The following ARL13B variants were observed in gnomAD, a reference collection of about 807,000 sequenced individuals.
The protein encoded by ARL13B is ARF like GTPase 13B.
A neutral mutation model predicts 56.1 loss-of-function variants in ARL13B; 36 were observed. The observed-to-expected ratio is 0.64, with a 90% CI of 0.49 to 0.85. The LOEUF (loss-of-function observed/expected upper bound fraction) is 0.85. Among genes scored for constraint, ARL13B ranks in the 40% least tolerant of loss-of-function variants. The probability of loss-of-function intolerance (pLI) is 0.00; values close to 1 mark genes in which losing one functional copy is unlikely to be tolerated. For missense variants in ARL13B, 519 were observed against 507.1 expected (o/e 1.02, Z -0.23); for synonymous variants, 178 against 171.1 (o/e 1.04, Z -0.32).
chr3:94,055,030 A>G lies in ARL13B; in HGVS notation c.*1767A>G, dbSNP rs1400412499. The G allele has an allele frequency of 2.8e-6, 1 of 355,974 alleles. No individual in the cohort carries two copies. Among genetic ancestry groups the G allele is most frequent in the Non-Finnish European group, 5.4e-6 (1 of 185,798 alleles). 22.1% of individuals were successfully genotyped at this position (355,974 alleles called of 1,614,324 possible). A position where few individuals can be genotyped will look rare whatever the true frequency, so the allele number is the denominator to read the frequency against. ...AATTTGTGTTTTCTATCTGTTTACTATAGTGTAGCTACTGGCTTCATTTAA... is the reference window on the plus strand; with the variant it reads ...AATTTGTGTTTTCTATCTGTTTACTGTAGTGTAGCTACTGGCTTCATTTAA... On this transcript the variant is annotated 3_prime_UTR_variant, in exon 10 of 10. Coordinates refer to ENST00000394222, the MANE Select transcript of ARL13B (RefSeq NM_001174150.2).
chr3:94,046,560 CT>C (rs2076987853), intron 7 of ARL13B, among the ~76,000 whole-genome samples: 1 of 151,968 alleles, frequency 6.6e-6, no homozygotes, highest in Admixed American at 6.6e-5. Flanking sequence ...ATGTACCGTA[CT>C]TTGCTTATCT....
intron 2 of ARL13B, among the ~76,000 whole-genome samples, chr3:93,996,362 T>G (rs2075964813): frequency 2.0e-5 from 3 of 152,170 alleles, no homozygotes; most frequent in Admixed American, 2.0e-4. Flanking sequence ...TCTTTGAATC[T>G]CTTGATGCTT....
At chr3:94,042,921 A>G in intron 6 of ARL13B, 94 bp from the exon 7 acceptor site, 2 of 1,005,212 alleles carry the variant, frequency 2.0e-6, no homozygotes, top group Non-Finnish European at 2.9e-6. Context: ...CCTTGAAGTT[A>G]CAGAATCCTG....
At chr3:94,044,195 C>T (rs889770630) in intron 7 of ARL13B, among the ~76,000 whole-genome samples, 2 of 147,990 alleles carry the variant, frequency 1.4e-5, no homozygotes, top group South Asian at 2.2e-4. Flanking sequence ...GGCTGCCACC[C>T]TGTCTAGGAA....
intron 1 of ARL13B, among the ~76,000 whole-genome samples, chr3:93,980,690 G>A (rs750053905): frequency 2.6e-5 from 4 of 151,880 alleles, no homozygotes; most frequent in Admixed American, 2.6e-4. Flanking sequence ...AATGCTTACC[G>A]TTGTTATATT....
At chr3:93,981,789 A>C (rs1257554346) in intron 1 of ARL13B, among the ~76,000 whole-genome samples, 2 of 145,944 alleles carry the variant, frequency 1.4e-5, no homozygotes, top group East Asian at 4.1e-4. Context: ...CAGTAGGATC[A>C]CTTGAGCCTG....
Position 94,003,600 on chromosome 3 carries a change from A to G in ARL13B, c.131-59A>G, listed in dbSNP as rs2076087282. On this transcript the variant is annotated intron_variant, in intron 2 of 9. Coordinates refer to ENST00000394222, the MANE Select transcript of ARL13B (RefSeq NM_001174150.2). ...TTGGGTGCTAAAATTTTAGTTGAAAAATTAACGTTGTCAATTAAAGTCTAA... is the reference window on the plus strand; with the variant it reads ...TTGGGTGCTAAAATTTTAGTTGAAAGATTAACGTTGTCAATTAAAGTCTAA... The G allele has an allele frequency of 1.9e-6, 3 of 1,582,414 alleles. No homozygotes were observed. The Admixed American group carries it at 5.2e-5, about 27-fold the overall frequency.
rs1295086828 is a variant in ARL13B, at chr3:94,055,464, A to ATT, written c.*2203_*2204dup. The stretch of plus-strand genomic sequence containing the variant: ...CAAGTTTTTATGTATGTGGGAAAGA[A>ATT]TTTGTGATTTTAAATGCAGCTACAA... On this transcript the variant is annotated 3_prime_UTR_variant, in exon 10 of 10. Transcript: ENST00000394222. 4 of 453,662 alleles carry ATT rather than the reference A, an allele frequency of 8.8e-6. No homozygotes were observed. Among genetic ancestry groups the ATT allele is most frequent in the Non-Finnish European group, 1.8e-5 (4 of 226,600 alleles). The allele number at this position is 453,662 out of a possible 1,614,324, so 28.1% of individuals were successfully genotyped here.
intron 3 of ARL13B, among the ~76,000 whole-genome samples, chr3:94,015,816 C>T (rs979992718): frequency 4.6e-5 from 7 of 152,014 alleles, no homozygotes; most frequent in African/African-American, 4.8e-5. Context: ...TTAAATTTTC[C>T]GAAGCCTCTG....
rs1199964643 is a variant in ARL13B, at chr3:94,045,950, CAAAAAAAAAAA to C, written c.1024+2717_1024+2727del. Among the ~76,000 whole-genome samples, 34 of 44,446 alleles carry C rather than the reference CAAAAAAAAAAA, an allele frequency of 7.6e-4. No individual in the cohort carries two copies. In the South Asian group the frequency reaches 0.023, roughly 30 times the overall value. 29.2% of individuals were successfully genotyped at this position (44,446 alleles called of 152,430 possible). On this transcript the variant is annotated intron_variant, in intron 7 of 9. Coordinates refer to ENST00000394222, the MANE Select transcript of ARL13B (RefSeq NM_001174150.2). ...TGGGCAACAGAGCAAGACTCCATCA[CAAAAAAAAAAA>C]AAAAAAGAAAAAAAAAAGACATACT...
At chr3:94,007,577 T>C (rs1442752560) in intron 3 of ARL13B, among the ~76,000 whole-genome samples, 1 of 152,080 alleles carries the variant, frequency 6.6e-6, no homozygotes, top group Admixed American at 6.6e-5. Context: ...ATGAGGAAGA[T>C]GCAGAAGCAG....
At position 94,054,976 on chromosome 3, in the gene ARL13B, A is replaced by T; in HGVS notation, c.*1713A>T. 1 of 302,238 alleles carries T rather than the reference A, an allele frequency of 3.3e-6. No homozygotes were observed. The highest frequency in any genetic ancestry group is 6.5e-6 in the Non-Finnish European group (1 of 153,894). The allele number at this position is 302,238 out of a possible 1,614,324, so 18.7% of individuals were successfully genotyped here. ...TACTTTTGCTATCTTTTTAATATTT[A>T]TCTCGTTTGGGAGTATACGTGTTTT... On this transcript the variant is annotated 3_prime_UTR_variant, in exon 10 of 10. Transcript: ENST00000394222.
rs769876397 is a variant in ARL13B at position 94,053,270 on chromosome 3, C to G, written c.*7C>G. The G allele has an allele frequency of 6.2e-7, 1 of 1,611,782 alleles. No homozygotes were observed. The highest frequency in any genetic ancestry group is 8.5e-7 in the Non-Finnish European group (1 of 1,178,542). The stretch of plus-strand genomic sequence containing the variant: ...TCATGATGTGATCTCATAAACAAGA[C>G]GTATGGAGGAGTTCTCTTAATATCA... On this transcript the variant is annotated 3_prime_UTR_variant, in exon 10 of 10. Transcript: ENST00000394222.
chr3:94,019,322 G>T (rs976183288), intron 3 of ARL13B, among the ~76,000 whole-genome samples: 1 of 151,896 alleles, frequency 6.6e-6, no homozygotes, highest in Non-Finnish European at 1.5e-5. Context: ...TCAGCCTCCC[G>T]AGTAGCTGGG....
chr3:94,044,290 C>T (rs1320479526), intron 7 of ARL13B, among the ~76,000 whole-genome samples: 3 of 148,688 alleles, frequency 2.0e-5, no homozygotes, highest in East Asian at 2.1e-4. Context: ...AAGTGAGGAG[C>T]GCCTCTGCCC....
chr3:94,018,108 G>C (rs1224493803), intron 3 of ARL13B, among the ~76,000 whole-genome samples: 1 of 152,098 alleles, frequency 6.6e-6, no homozygotes, highest in Non-Finnish European at 1.5e-5. Context: ...ATGTTGTCCA[G>C]GCCGGTCTTG....
intron 3 of ARL13B, among the ~76,000 whole-genome samples, chr3:94,031,876 T>G (rs535915947): frequency 5.9e-5 from 9 of 152,170 alleles, no homozygotes; most frequent in Non-Finnish European, 1.3e-4. Flanking sequence ...AATTGCCATA[T>G]GCAGAAGAAT....
intron 4 of ARL13B, among the ~76,000 whole-genome samples, chr3:94,035,677 C>T (rs574510601): frequency 1.2e-3 from 186 of 152,058 alleles, no homozygotes; most frequent in Non-Finnish European, 2.0e-3. Context: ...TTCACATTTG[C>T]GTTTTAACAT....
intron 3 of ARL13B, chr3:94,028,280 T>C (rs1009236062): frequency 6.6e-6 from 1 of 152,180 alleles, no homozygotes; most frequent in Admixed American, 6.5e-5. Context: ...CATTATTTGT[T>C]GAGTGATTTT....
Sources: allele counts gnomAD v4.1 joint callset (sites outside exome capture counted in the v4.1 genomes callset), GRCh38; gene constraint gnomAD v4.1.1; transcripts MANE v1.5; gene names NCBI Gene and HGNC (gene_info 2026-07-23, HGNC 2026-07-21).